The following CDYL variants were observed in gnomAD, a reference collection of about 807,000 sequenced individuals.
CDYL encodes the protein chromodomain Y-like protein.
In CDYL, 8 loss-of-function variants were observed where a neutral mutation model predicts 47.3. The observed-to-expected ratio is 0.17, with a 90% CI of 0.10 to 0.31. CDYL has a LOEUF of 0.31. Ranked by LOEUF, CDYL falls within the 10% of genes least tolerant of loss-of-function variation. CDYL has a pLI of 1.00. For missense variants in CDYL, 471 were observed against 701.4 expected (o/e 0.67, Z 3.71); for synonymous variants, 266 against 265.0 (o/e 1.00, Z -0.04).
rs1561818774 is a variant in CDYL, at chr6:4,713,593, T to TA, written c.-38-2148_-38-2147insA. Among the ~76,000 whole-genome samples, 25 of 150,244 alleles carry TA rather than the reference T, an allele frequency of 1.7e-4. No individual in the cohort carries two copies. In the South Asian group the frequency reaches 4.6e-3, roughly 28 times the overall value. On this transcript the variant is annotated intron_variant, in intron 1 of 8. Transcript: ENST00000328908. ...AAAACTTCTATCATTTAGATTCTTT[T>TA]TTTTTTTTTTTGGAGACAGAATCTT...
chr6:4,723,479 G>C (rs60781204), intron 2 of CDYL, among the ~76,000 whole-genome samples: 13,902 of 152,132 alleles, frequency 0.091, 699 homozygotes, highest in African/African-American at 0.13. Flanking sequence ...GGCATAGTTA[G>C]AGAAAACAAT....
At chr6:4,742,170 A>G (rs527727079) in intron 3 of CDYL, among the ~76,000 whole-genome samples, 1 of 152,240 alleles carries the variant, frequency 6.6e-6, no homozygotes, top group East Asian at 1.9e-4. Flanking sequence ...CTTGGGCAAC[A>G]TAGTGAAGCC....
chr6:4,854,592 G>A (rs957518892), intron 1 of CDYL, among the ~76,000 whole-genome samples: 1 of 152,192 alleles, frequency 6.6e-6, no homozygotes, highest in Non-Finnish European at 1.5e-5. Context: ...ATGGCAAAAT[G>A]CTACACCACC....
chr6:4,773,582 T>C (rs1758370749), upstream of CDYL, among the ~76,000 whole-genome samples: 1 of 152,202 alleles, frequency 6.6e-6, no homozygotes, highest in Non-Finnish European at 1.5e-5. This position sits in a 1 kb window ranked among gnomAD's most constrained non-coding sequence, Gnocchi z 4.6. Flanking sequence ...AAAATATATA[T>C]GTATATATAA....
intron 2 of CDYL, among the ~76,000 whole-genome samples, chr6:4,719,400 A>C (rs978082538): frequency 7.2e-5 from 11 of 152,138 alleles, no homozygotes; most frequent in African/African-American, 2.4e-4. Flanking sequence ...CACGTCATCT[A>C]AACTGTGGCC....
intron 1 of CDYL, among the ~76,000 whole-genome samples, chr6:4,869,680 A>G (rs886844692): frequency 6.6e-6 from 1 of 152,180 alleles, no homozygotes; most frequent in African/African-American, 2.4e-5. Flanking sequence ...GCTTGGGATT[A>G]ATAACTACCC....
chr6:4,929,374 G>A lies in CDYL; in HGVS notation c.692-6141G>A, dbSNP rs138115086. 2.8e-3 allele frequency among the ~76,000 whole-genome samples: 431 copies of A among 151,988 alleles called. 2 individuals are homozygous for A. Among genetic ancestry groups the A allele is most frequent in the African/African-American group, 7.7e-3 (320 of 41,356 alleles). On this transcript the variant is annotated intron_variant, in intron 2 of 6. Transcript: ENST00000397588. ...TATCAGCAGATGATAATAGGCCTTAGTTTGGGGTTTGTGTGTATTTATCAT... is the reference window on the plus strand; with the variant it reads ...TATCAGCAGATGATAATAGGCCTTAATTTGGGGTTTGTGTGTATTTATCAT...
chr6:4,744,822 ATTGT>A (rs1049209584), intron 3 of CDYL, among the ~76,000 whole-genome samples: 10 of 152,142 alleles, frequency 6.6e-5, no homozygotes, highest in Admixed American at 3.3e-4. Context: ...TCTATGGTAA[ATTGT>A]TTGTAAAGTA....
intron 2 of CDYL, among the ~76,000 whole-genome samples, chr6:4,905,833 C>T (rs369967717): frequency 6.6e-6 from 1 of 152,208 alleles, no homozygotes; most frequent in East Asian, 1.9e-4. Context: ...TACAAGTGCA[C>T]ATTTGTAACA....
chr6:4,907,343 T>G (rs1757269986), intron 2 of CDYL, among the ~76,000 whole-genome samples: 1 of 152,224 alleles, frequency 6.6e-6, no homozygotes, highest in South Asian at 2.1e-4. Context: ...ACAGCTTTTT[T>G]GTGGGTTTTT....
At chr6:4,788,387 G>A (rs1226582890) in intron 1 of CDYL, among the ~76,000 whole-genome samples, 1 of 147,320 alleles carries the variant, frequency 6.8e-6, no homozygotes, top group Admixed American at 7.1e-5. Context: ...GGAGGCTGAG[G>A]CAGGAGAATC....
At chr6:4,798,800 C>A (rs1489079754) in intron 1 of CDYL, among the ~76,000 whole-genome samples, 5 of 152,106 alleles carry the variant, frequency 3.3e-5, no homozygotes, top group Non-Finnish European at 5.9e-5. Context: ...CTAAGATTTT[C>A]TTTGTGATAA....
At chr6:4,772,954 AT>A, upstream of CDYL, 1 of 364,686 alleles carries the variant, frequency 2.7e-6, no homozygotes, top group South Asian at 2.1e-5. Context: ...TGAAATGCAG[AT>A]TCTTGGGAGA....
At chr6:4,783,259 T>G (rs1275251519) in intron 1 of CDYL, among the ~76,000 whole-genome samples, 4 of 151,860 alleles carry the variant, frequency 2.6e-5, no homozygotes, top group African/African-American at 7.2e-5. Flanking sequence ...GGTTTTTTTT[T>G]TTTAATTATT....
rs150363591 is a variant in CDYL, at chr6:4,741,659, C to T, written c.186+6815C>T. On this transcript the variant is annotated intron_variant, in intron 3 of 8. Coordinates refer to the CDYL transcript ENST00000328908. ...TTGCAACCCAACTACTTTTATCTCA[C>T]TGGCCAGAATTTAATTACCTGACCA... 6.8e-4 allele frequency among the ~76,000 whole-genome samples: 104 copies of T among 152,300 alleles called. 1 individual carries two copies. In the South Asian group the frequency reaches 0.016, roughly 23 times the overall value.
At chr6:4,873,959 C>G (rs1000311447) in intron 1 of CDYL, among the ~76,000 whole-genome samples, 2 of 152,100 alleles carry the variant, frequency 1.3e-5, no homozygotes, top group African/African-American at 4.8e-5. Flanking sequence ...CTTTTGAGCC[C>G]CCATTCAGTT....
chr6:4,792,476 G>A (rs533840120), intron 1 of CDYL, among the ~76,000 whole-genome samples: 1 of 149,108 alleles, frequency 6.7e-6, no homozygotes, highest in East Asian at 2.0e-4. Context: ...CTGTTGCCCA[G>A]GCTGGAGTGC....
chr6:4,810,599 T>C (rs944294250), intron 1 of CDYL, among the ~76,000 whole-genome samples: 1 of 152,234 alleles, frequency 6.6e-6, no homozygotes, highest in African/African-American at 2.4e-5. Flanking sequence ...CCTGGTGTCA[T>C]AGTCCATTTG....
At chr6:4,724,564 C>T (rs1757455005) in intron 2 of CDYL, 1 of 152,252 alleles carries the variant, frequency 6.6e-6, no homozygotes, top group Non-Finnish European at 1.5e-5. Flanking sequence ...GGCAGCGTGT[C>T]CGGAGTTTGT....
Sources: gnomAD v4.1 joint callset for allele counts (sites outside exome capture counted in the v4.1 genomes callset) on GRCh38, gnomAD v4.1.1 for gene constraint, Gnocchi (gnomAD v3.1) non-coding constraint, MANE v1.5 for transcripts, NCBI Gene and HGNC (gene_info 2026-07-23, HGNC 2026-07-21) for gene names.